CDH4: variants seen among roughly 807,000 people sequenced by gnomAD.
The protein encoded by CDH4 is cadherin 4, also known as cadherin-4.
A neutral mutation model predicts 86.0 loss-of-function variants in CDH4; 33 were observed. The ratio of observed to expected loss-of-function variants is 0.38; its 90% confidence interval spans 0.29 to 0.51. CDH4 has a LOEUF of 0.51. Ranked by LOEUF, CDH4 falls within the 20% of genes least tolerant of loss-of-function variation. The pLI is 0.86. For synonymous variants in CDH4, 555 were observed against 549.4 expected (o/e 1.01, Z -0.14); for missense variants, 1,114 against 1,307.4 (o/e 0.85, Z 2.28).
At chr20:61,258,100 C>T (rs868814848) in intron 2 of CDH4, among the ~76,000 whole-genome samples, 1 of 152,030 alleles carries the variant, frequency 6.6e-6, no homozygotes, top group Admixed American at 6.6e-5. Flanking sequence ...GAGGCCGAGG[C>T]GGGTGGATCA....
chr20:61,535,757 G>C (rs1323175562), intron 2 of CDH4, among the ~76,000 whole-genome samples: 2 of 152,048 alleles, frequency 1.3e-5, no homozygotes, highest in African/African-American at 4.8e-5. Context: ...CCGGTCCTTT[G>C]GGCGTTTGAA....
intron 2 of CDH4, among the ~76,000 whole-genome samples, chr20:61,257,417 T>A (rs1238789381): frequency 6.6e-6 from 1 of 152,238 alleles, no homozygotes; most frequent in Non-Finnish European, 1.5e-5. Context: ...TTTTCCCCAA[T>A]AGGGTAGCAA....
intron 2 of CDH4, among the ~76,000 whole-genome samples, chr20:61,647,556 T>TCTCTCTCTCTCTCTCTCCCC (rs1568731977): frequency 1.9e-5 from 2 of 105,788 alleles, no homozygotes; most frequent in African/African-American, 7.0e-5. Flanking sequence ...CCTCTCCCTC[T>TCTCTCTCTCTCTCTCTCCCC]CCCTCTCCCT....
Position 61,663,716 on chromosome 20 carries a change from G to T in CDH4, c.170-79847G>T, listed in dbSNP as rs1200427618. Among the ~76,000 whole-genome samples, 1 of 151,962 alleles carries T rather than the reference G, an allele frequency of 6.6e-6. No homozygotes were observed. Among genetic ancestry groups the T allele is most frequent in the African/African-American group, 2.4e-5 (1 of 41,344 alleles). ...GGAGCTGGCGGTACTGAGGAAGGACGTGCAGAACCAGGCAGGGCTGACAGA... is the reference window on the plus strand; with the variant it reads ...GGAGCTGGCGGTACTGAGGAAGGACTTGCAGAACCAGGCAGGGCTGACAGA... On this transcript the variant is annotated intron_variant, in intron 2 of 15. Coordinates refer to ENST00000614565, the MANE Select transcript of CDH4 (RefSeq NM_001794.5). The surrounding 1 kb of genome is among the most constrained non-coding windows in gnomAD (Gnocchi z 5.0).
intron 2 of CDH4, among the ~76,000 whole-genome samples, chr20:61,504,328 A>G (rs537015812): frequency 1.3e-5 from 2 of 152,142 alleles, no homozygotes; most frequent in Non-Finnish European, 2.9e-5. Flanking sequence ...CCTATTAGAT[A>G]CTCAGATGTT....
intron 9 of CDH4, among the ~76,000 whole-genome samples, chr20:61,918,154 G>A (rs2054926133): frequency 6.6e-6 from 1 of 152,234 alleles, no homozygotes; most frequent in East Asian, 1.9e-4. Context: ...GGCAGGTGCT[G>A]GGAGCTTGGA....
In CDH4 at chr20:61,383,157, T is replaced by C. The variant is rs2084915310; in HGVS notation, c.169+128220T>C. Among the ~76,000 whole-genome samples, 4 of 89,536 alleles carry C rather than the reference T, an allele frequency of 4.5e-5. No homozygotes were observed. The South Asian group carries it at 1.1e-3, about 24-fold the overall frequency. 58.7% of individuals were successfully genotyped at this position (89,536 alleles called of 152,430 possible). A position where few individuals can be genotyped will look rare whatever the true frequency, so the allele number is the denominator to read the frequency against. ...TTATATATATGAATATATATGAATATATTATATATATGAATATATTTATGA... is the reference window on the plus strand; with the variant it reads ...TTATATATATGAATATATATGAATACATTATATATATGAATATATTTATGA... On this transcript the variant is annotated intron_variant, in intron 2 of 15. Transcript: ENST00000614565.
intron 3 of CDH4, among the ~76,000 whole-genome samples, chr20:61,751,974 C>G (rs1211577859): frequency 1.3e-5 from 2 of 152,236 alleles, no homozygotes; most frequent in South Asian, 4.1e-4. Context: ...GTGTGGAAAG[C>G]TTCCTCGCAC....
intron 2 of CDH4, chr20:61,719,116 T>C (rs989851747): frequency 6.4e-6 from 3 of 471,000 alleles, no homozygotes; most frequent in South Asian, 1.5e-5. Context: ...AGCCTCTTCA[T>C]GTCACCTGCA....
intron 2 of CDH4, among the ~76,000 whole-genome samples, chr20:61,573,030 T>TTGGATGGATGGATGGATGGA (rs760571002): frequency 5.0e-5 from 7 of 140,446 alleles, no homozygotes; most frequent in East Asian, 2.2e-4. Flanking sequence ...GGATGGATGG[T>TTGGATGGATGGATGGATGGA]TGGATGGATG....
chr20:61,692,147 G>A (rs909183330), intron 2 of CDH4, among the ~76,000 whole-genome samples: 3 of 148,544 alleles, frequency 2.0e-5, no homozygotes, highest in Admixed American at 1.3e-4. Context: ...GTATGTATGT[G>A]TGTATGTATG....
chr20:61,353,665 CT>C (rs1470515207), intron 2 of CDH4, among the ~76,000 whole-genome samples: 1,454 of 28,910 alleles, frequency 0.05, 2 homozygotes, highest in African/African-American at 0.057. Flanking sequence ...CTTCTTCCTC[CT>C]CTTCCCCCTC....
intron 9 of CDH4, among the ~76,000 whole-genome samples, chr20:61,915,510 T>G (rs970736381): frequency 1.3e-5 from 2 of 152,176 alleles, no homozygotes; most frequent in Non-Finnish European, 2.9e-5. Flanking sequence ...TGAGACCCCA[T>G]GATGCCTCTC....
intron 2 of CDH4, among the ~76,000 whole-genome samples, chr20:61,730,544 T>G (rs531359922): frequency 1.0e-3 from 152 of 152,274 alleles, no homozygotes; most frequent in Middle Eastern, 3.4e-3. Context: ...CCCCATTAAG[T>G]TTTCTCAAGC....
intron 9 of CDH4, among the ~76,000 whole-genome samples, chr20:61,921,305 T>C (rs1187759916): frequency 1.3e-5 from 2 of 151,862 alleles, no homozygotes; most frequent in Non-Finnish European, 2.9e-5. Context: ...CGTGGTGTCA[T>C]GGTGATTGCA....
Position 61,623,298 on chromosome 20 carries a change from A to G in CDH4, c.170-120265A>G, listed in dbSNP as rs2086795701. Among the ~76,000 whole-genome samples, 1 of 152,090 alleles carries G rather than the reference A, an allele frequency of 6.6e-6. No homozygotes were observed. Among genetic ancestry groups the G allele is most frequent in the Non-Finnish European group, 1.5e-5 (1 of 68,018 alleles). On this transcript the variant is annotated intron_variant, in intron 2 of 15. Coordinates refer to ENST00000614565, the MANE Select transcript of CDH4 (RefSeq NM_001794.5). This position sits in a 1 kb window ranked among gnomAD's most constrained non-coding sequence, Gnocchi z 4.4. ...CATCTGGGACGTCTGTCATCAGCAG[A>G]CAGCTGCTGGTTTCCGTGGCTGCCT... is the stretch of plus-strand genomic sequence containing the variant.
At chr20:61,864,404 CA>C (rs1198798077) in intron 6 of CDH4, among the ~76,000 whole-genome samples, 7 of 152,366 alleles carry the variant, frequency 4.6e-5, no homozygotes, top group Admixed American at 3.3e-4. Flanking sequence ...CCTCCCCATG[CA>C]GCCAGAAACC....
Position 61,317,751 on chromosome 20 carries a change from G to A in CDH4, c.169+62814G>A, listed in dbSNP as rs557576112. ...CAGGGACCCCCTTTCCACCATGCCC[G>A]AGACCCCCACGGTTCTAGACAAAGG... On this transcript the variant is annotated intron_variant, in intron 2 of 15. Transcript: ENST00000614565. Among the ~76,000 whole-genome samples, 37 of 152,244 alleles carry A rather than the reference G, an allele frequency of 2.4e-4. 1 individual carries two copies. Among genetic ancestry groups the A allele is most frequent in the Non-Finnish European group, 5.3e-4 (36 of 68,028 alleles).
intron 2 of CDH4, among the ~76,000 whole-genome samples, chr20:61,699,205 G>A (rs952380084): frequency 5.9e-5 from 9 of 152,234 alleles, no homozygotes; most frequent in African/African-American, 2.2e-4. Context: ...TTAATTAGCT[G>A]GTCATCCTGT....
Sources: allele counts gnomAD v4.1 joint callset (sites outside exome capture counted in the v4.1 genomes callset), GRCh38; gene constraint gnomAD v4.1.1; non-coding constraint Gnocchi (gnomAD v3.1); transcripts MANE v1.5; gene names NCBI Gene and HGNC (gene_info 2026-07-23, HGNC 2026-07-21).